The following GTPBP6 variants were observed in gnomAD, a reference collection of about 807,000 sequenced individuals.
GTPBP6 encodes putative GTP-binding protein 6.
GTPBP6 carries 33 observed loss-of-function variants against 28.9 expected under a neutral mutation model. That is an observed-to-expected ratio of 1.14 (90% CI 0.87 to 1.53). The LOEUF is 1.53. Among genes scored for constraint, GTPBP6 ranks in the 40% most tolerant of loss-of-function variants. The pLI is 0.00. For synonymous variants in GTPBP6, 231 were observed against 192.7 expected (o/e 1.20, Z -1.65); for missense variants, 507 against 408.3 (o/e 1.24, Z -2.08).
intron 5 of GTPBP6, 140 bp from the exon 6 acceptor site, chrX:313,064 G>T (rs1569352665): frequency 1.5e-6 from 1 of 675,110 alleles, no homozygotes. Flanking sequence ...CCCCAGCAGC[G>T]GCCCCGACAC....
rs182292668 is a variant in GTPBP6 at position 310,791 on chromosome X, T to C, written c.1125+628A>G. ...CTGGAACTGTGGTAGAGCTGGTTCCTGTGGTTTCTGGCCCCCATTTGTGGC... is the reference window on the plus strand; with the variant it reads ...CTGGAACTGTGGTAGAGCTGGTTCCCGTGGTTTCTGGCCCCCATTTGTGGC... On this transcript the variant is annotated intron_variant, in intron 7 of 9. Transcript: ENST00000326153. 9.3e-3 allele frequency among the ~76,000 whole-genome samples: 1,409 copies of C among 151,892 alleles called. 14 individuals carry two copies. The highest frequency in any genetic ancestry group is 0.032 in the African/African-American group (1,305 of 41,400).
intron 1 of GTPBP6, among the ~76,000 whole-genome samples, chrX:318,155 T>C (rs1350884020): frequency 1.4e-5 from 2 of 145,428 alleles, no homozygotes; most frequent in African/African-American, 5.2e-5. Context: ...TCCCTGAATC[T>C]CTACCTATGA....
At chrX:316,248 C>T (rs1437161221) in intron 2 of GTPBP6, among the ~76,000 whole-genome samples, 1 of 19,188 alleles carries the variant, frequency 5.2e-5, no homozygotes, top group African/African-American at 1.4e-4. Flanking sequence ...AACACATACA[C>T]ACGCAGACAC....
exon 8 of GTPBP6, chrX:307,785 G>T (rs1224185427): frequency 1.3e-6 from 2 of 1,541,292 alleles, no homozygotes; most frequent in Non-Finnish European, 1.7e-6. Context: ...CCAGGAGCGG[G>T]GCGGGCAGCT....
In GTPBP6 at chrX:307,468, C is replaced by CTGGA. The variant is rs1569346920; in HGVS notation, c.1318_1319insTCCA (p.Arg440LeufsTer12). On this transcript the variant is annotated frameshift_variant, in exon 9 of 10. Transcript: ENST00000326153. LOFTEE classifies it high-confidence loss of function. The stretch of plus-strand genomic sequence containing the variant: ...TTTCAGCTCCTGGAGCCCGTGGCCC[C>CTGGA]GCAGGGCAGACACGGGCACGACGTT... 6.2e-7 allele frequency: 1 copy of CTGGA among 1,611,168 alleles called. No homozygotes were observed. Among genetic ancestry groups the CTGGA allele is most frequent in the African/African-American group, 1.3e-5 (1 of 74,872 alleles).
chrX:314,070 T>C (rs2070375267), intron 5 of GTPBP6, 80 bp downstream of exon 5: 3 of 1,110,990 alleles, frequency 2.7e-6, no homozygotes, highest in Non-Finnish European at 4.1e-6. Context: ...TGTTGGAATC[T>C]TCCAGGGCTG....
At chrX:307,544 C>G (rs1457832595) in intron 8 of GTPBP6, 32 bp from the exon 9 acceptor site, 1 of 1,605,776 alleles carries the variant, frequency 6.2e-7, no homozygotes, top group South Asian at 1.1e-5. Flanking sequence ...AGGCCCCGCT[C>G]AGCGTCGGGG....
In GTPBP6 at chrX:311,850, G is replaced by A. The variant is rs1411234712; in HGVS notation, c.917-223C>T. Reference sequence around the variant, plus strand: ...TGGAGCGGGGCCGCCGTGCGGACACGGGGGAGATGGTGGTGTGGACGGGTG... The same window carrying A: ...TGGAGCGGGGCCGCCGTGCGGACACAGGGGAGATGGTGGTGTGGACGGGTG... On this transcript the variant is annotated intron_variant, in intron 6 of 9. Coordinates refer to ENST00000326153, the Ensembl canonical transcript of GTPBP6. 66 of 583,104 alleles carry A rather than the reference G, an allele frequency of 1.1e-4. No homozygotes were observed. The East Asian group carries it at 1.4e-3, about 13-fold the overall frequency. The allele number at this position is 583,104 out of a possible 1,614,324, so 36.1% of individuals were successfully genotyped here.
At position 312,932 on chromosome X, in the gene GTPBP6, A is replaced by T. The variant is rs190395529; in HGVS notation, c.758-8T>A. The T allele has an allele frequency of 1.1e-3, 1,696 of 1,607,998 alleles. 22 individuals carry two copies. The African/African-American group carries it at 0.019, about 18-fold the overall frequency. On this transcript the variant is annotated splice_region_variant and splice_polypyrimidine_tract_variant and intron_variant, in intron 5 of 9. Coordinates refer to ENST00000326153, the Ensembl canonical transcript of GTPBP6. ...GCTGCATGAAGGATTCTCCTAAAAGACACCCGAGATGGTGAGGCGGTGAGC... is the reference window on the plus strand; with the variant it reads ...GCTGCATGAAGGATTCTCCTAAAAGTCACCCGAGATGGTGAGGCGGTGAGC...
At chrX:306,522 T>A (rs1248712752) in intron 9 of GTPBP6, among the ~76,000 whole-genome samples, 1 of 146,094 alleles carries the variant, frequency 6.8e-6, no homozygotes, top group Non-Finnish European at 1.5e-5. Flanking sequence ...GTCAGAAATG[T>A]ACATTTTGTC....
At chrX:315,086 G>C (rs1383904056) in intron 3 of GTPBP6, 66 bp from the exon 4 acceptor site, 2 of 398,640 alleles carry the variant, frequency 5.0e-6, no homozygotes, top group South Asian at 1.3e-4. Context: ...CAATGTGAGA[G>C]GAAGGAGGAC....
At chrX:309,055 G>A (rs774503396) in intron 7 of GTPBP6, among the ~76,000 whole-genome samples, 5 of 152,266 alleles carry the variant, frequency 3.3e-5, no homozygotes, top group African/African-American at 9.6e-5. Context: ...AGTCGAAAGC[G>A]GAGTCCAGGC....
At chrX:316,688 C>G (rs1363144218) in intron 2 of GTPBP6, among the ~76,000 whole-genome samples, 1 of 152,106 alleles carries the variant, frequency 6.6e-6, no homozygotes, top group African/African-American at 2.4e-5. Context: ...TAATCTTTAC[C>G]AGTTTAAGTC....
intron 4 of GTPBP6, 61 bp from the exon 5 acceptor site, chrX:314,278 C>T (rs776315018): frequency 1.0e-4 from 147 of 1,411,064 alleles, no homozygotes; most frequent in African/African-American, 1.0e-3. Context: ...CGGCAGAGGT[C>T]GAGGTGAAGG....
exon 9 of GTPBP6, chrX:307,395 G>A: frequency 1.2e-6 from 2 of 1,612,590 alleles, no homozygotes; most frequent in South Asian, 1.1e-5. Flanking sequence ...CACGGAGAGT[G>A]AGGATCTGTC....
At chrX:306,303 T>C (rs1156944965) in intron 9 of GTPBP6, among the ~76,000 whole-genome samples, 5 of 147,346 alleles carry the variant, frequency 3.4e-5, no homozygotes, top group African/African-American at 1.3e-4. Context: ...GTATGCACAG[T>C]CAGAAATGTA....
intron 9 of GTPBP6, among the ~76,000 whole-genome samples, chrX:306,587 C>T (rs2070170954): frequency 1.3e-5 from 2 of 150,742 alleles, no homozygotes; most frequent in African/African-American, 4.9e-5. Context: ...TACTGTCAAG[C>T]ACAGATTAGG....
intron 2 of GTPBP6, 36 bp from the exon 3 acceptor site, chrX:315,335 G>A (rs1475421035): frequency 8.5e-5 from 34 of 398,402 alleles, no homozygotes; most frequent in East Asian, 2.1e-4. Flanking sequence ...GAGGCTGGCC[G>A]TCCACACCCG....
At chrX:315,338 C>A in intron 2 of GTPBP6, 39 bp from the exon 3 acceptor site, 1 of 398,520 alleles carries the variant, frequency 2.5e-6, no homozygotes, top group Non-Finnish European at 4.4e-6. Flanking sequence ...GCTGGCCGTC[C>A]ACACCCGTGG....
Sources: gnomAD v4.1 joint callset for allele counts (sites outside exome capture counted in the v4.1 genomes callset) on GRCh38, gnomAD v4.1.1 for gene constraint, MANE v1.5 for transcripts, NCBI Gene and HGNC (gene_info 2026-07-23, HGNC 2026-07-21) for gene names.